LEKR1: variants seen among roughly 807,000 people sequenced by gnomAD.
LEKR1 encodes the protein protein LEKR1.
In LEKR1, 59 loss-of-function variants were observed where a neutral mutation model predicts 72.4. That is an observed-to-expected ratio of 0.82 (90% CI 0.66 to 1.01). LEKR1 has a LOEUF of 1.01. Ranked by LOEUF, LEKR1 falls within the 50% of genes least tolerant of loss-of-function variation. LEKR1 has a pLI of 0.00. For missense variants in LEKR1, 728 were observed against 759.2 expected (o/e 0.96, Z 0.48); for synonymous variants, 257 against 263.2 (o/e 0.98, Z 0.23).
At chr3:156,834,009 T>C (rs1335384718) in intron 2 of LEKR1, among the ~76,000 whole-genome samples, 1 of 152,072 alleles carries the variant, frequency 6.6e-6, no homozygotes, top group East Asian at 1.9e-4. Flanking sequence ...ATTTTACCTT[T>C]TTATTAATGT....
chr3:156,884,237 A>G (rs765360155), intron 3 of LEKR1, among the ~76,000 whole-genome samples: 1 of 152,080 alleles, frequency 6.6e-6, no homozygotes, highest in Non-Finnish European at 1.5e-5. Context: ...GCTGTTCTGT[A>G]TATTTTAGGT....
chr3:156,906,891 TG>T (rs1722583645), intron 3 of LEKR1, among the ~76,000 whole-genome samples: 1 of 152,158 alleles, frequency 6.6e-6, no homozygotes, highest in Admixed American at 6.5e-5. Flanking sequence ...TTTATAAAAA[TG>T]GACTGAGAAT....
At chr3:156,829,519 C>A (rs1712086112) in intron 2 of LEKR1, 142 bp downstream of exon 2, 2 of 554,888 alleles carry the variant, frequency 3.6e-6, no homozygotes, top group Non-Finnish European at 6.3e-6. Flanking sequence ...TAATTATTAT[C>A]ATAATGAGCA....
chr3:156,883,161 A>G (rs1271631396), intron 3 of LEKR1, among the ~76,000 whole-genome samples: 2 of 151,784 alleles, frequency 1.3e-5, no homozygotes, highest in Non-Finnish European at 2.9e-5. Context: ...ATAATAATAA[A>G]GAACGAAAGA....
chr3:156,834,908 T>C (rs985294938), intron 2 of LEKR1, among the ~76,000 whole-genome samples: 9 of 152,226 alleles, frequency 5.9e-5, no homozygotes, highest in African/African-American at 1.9e-4. Context: ...TCATCTACAC[T>C]AAAAGGCATT....
intron 3 of LEKR1, among the ~76,000 whole-genome samples, chr3:156,895,032 A>G (rs1721033594): frequency 6.6e-6 from 1 of 152,234 alleles, no homozygotes. Flanking sequence ...TAAAAATTTG[A>G]TAAATGGAAT....
At chr3:156,912,571 C>T (rs1723217724) in intron 3 of LEKR1, among the ~76,000 whole-genome samples, 1 of 152,206 alleles carries the variant, frequency 6.6e-6, no homozygotes, top group Admixed American at 6.5e-5. Context: ...CACCCAGTTC[C>T]TGTGCCTGTG....
At chr3:156,871,674 T>G (rs925010213) in intron 3 of LEKR1, among the ~76,000 whole-genome samples, 1 of 152,112 alleles carries the variant, frequency 6.6e-6, no homozygotes, top group Non-Finnish European at 1.5e-5. Flanking sequence ...TGGTATCTCA[T>G]TGTCGTTTTG....
intron 9 of LEKR1, among the ~76,000 whole-genome samples, chr3:157,001,113 T>C (rs1224458347): frequency 6.6e-6 from 1 of 152,218 alleles, no homozygotes; most frequent in Non-Finnish European, 1.5e-5. Context: ...CTTCGTAAAT[T>C]ACCCCGTCTC....
rs913016533 is a variant in LEKR1 at position 156,852,804 on chromosome 3, G to A, written c.85G>A (p.Val29Ile). Residue 29 changes from valine (V) to isoleucine (I), a missense_variant, in exon 3 of 13, where the codon GTC becomes ATC. Coordinates refer to ENST00000356539, the MANE Select transcript of LEKR1 (RefSeq NM_001004316.3). Reference protein sequence around the residue: ...PEEKVCKYCGVSYLILHEFKA... With the variant: ...PEEKVCKYCGISYLILHEFKA... ...AGAAAAAGTTTGTAAGTACTGTGGA[G>A]TCAGCTATCTAATTCTTCATGAATT... is the stretch of plus-strand genomic sequence containing the variant. 1 of 1,534,518 alleles carries A rather than the reference G, an allele frequency of 6.5e-7. No homozygotes were observed. Among genetic ancestry groups the A allele is most frequent in the Non-Finnish European group, 8.7e-7 (1 of 1,145,426 alleles).
At chr3:156,878,151 C>CT (rs982122004) in intron 3 of LEKR1, among the ~76,000 whole-genome samples, 24 of 151,520 alleles carry the variant, frequency 1.6e-4, no homozygotes, top group Non-Finnish European at 2.9e-4. Context: ...TTTGTTATTT[C>CT]TTTTTTTCTG....
At chr3:156,933,214 A>G (rs187177146) in intron 5 of LEKR1, among the ~76,000 whole-genome samples, 6 of 152,080 alleles carry the variant, frequency 3.9e-5, no homozygotes, top group African/African-American at 1.4e-4. Context: ...ACATAATTAT[A>G]TTTCATTTCG....
chr3:156,918,973 C>T (rs527957626), intron 3 of LEKR1, among the ~76,000 whole-genome samples: 13 of 152,222 alleles, frequency 8.5e-5, no homozygotes, highest in Non-Finnish European at 1.8e-4. Context: ...GGGCAGATTC[C>T]TCATGAATAG....
intron 9 of LEKR1, among the ~76,000 whole-genome samples, chr3:156,999,618 A>G (rs1731858365): frequency 1.3e-5 from 2 of 152,318 alleles, no homozygotes; most frequent in South Asian, 2.1e-4. Context: ...CATCATAGCT[A>G]CTTGCCAGAG....
chr3:157,045,689 C>T lies in LEKR1; in HGVS notation c.2018C>T (p.Ser673Leu). Residue 673 changes from serine to leucine, a missense_variant, in exon 13 of 13, where the codon TCA (serine) becomes TTA (leucine). Coordinates refer to ENST00000356539, the MANE Select transcript of LEKR1 (RefSeq NM_001004316.3). The stretch of plus-strand genomic sequence containing the variant: ...CATCCTCCCAGGGGTGGAGCATCTT[C>T]AGCAAATGAGACTAGACAGAGACTG... ...QPHPPRGGAS[S>L]ANETRQRLAA... 1 of 1,613,664 alleles carries T rather than the reference C, an allele frequency of 6.2e-7. No homozygotes were observed. Among genetic ancestry groups the T allele is most frequent in the South Asian group, 1.1e-5 (1 of 91,084 alleles).
rs1463741834 is a variant in LEKR1, at chr3:156,826,379, G to A, written c.-45+3G>A. 1.3e-5 allele frequency: 2 copies of A among 152,892 alleles called. No homozygotes were observed. The highest frequency in any genetic ancestry group is 2.4e-5 in the African/African-American group (1 of 41,466). The allele number at this position is 152,892 out of a possible 1,614,324, so 9.5% of individuals were successfully genotyped here. A position where few individuals can be genotyped will look rare whatever the true frequency, so the allele number is the denominator to read the frequency against. On this transcript the variant is annotated splice_donor_region_variant and intron_variant, in intron 1 of 12. Transcript: ENST00000356539. ...CACCCGTCCTAGTCGAAGTCGAGGT[G>A]AGGGACGATGGCTTTCCTCAGCCTG... is the stretch of plus-strand genomic sequence containing the variant.
intron 3 of LEKR1, among the ~76,000 whole-genome samples, chr3:156,885,442 C>T (rs1015064098): frequency 9.2e-5 from 14 of 152,186 alleles, no homozygotes; most frequent in Non-Finnish European, 1.8e-4. Flanking sequence ...AAACTCAAGG[C>T]TTGCTGTTCA....
chr3:156,949,426 T>C, intron 6 of LEKR1, among the ~76,000 whole-genome samples: 1 of 151,472 alleles, frequency 6.6e-6, no homozygotes, highest in Admixed American at 6.6e-5. Context: ...GGAGTCTTTT[T>C]CCATTGCTTG....
At chr3:156,989,955 C>G (rs1731019289) in intron 7 of LEKR1, among the ~76,000 whole-genome samples, 3 of 152,126 alleles carry the variant, frequency 2.0e-5, no homozygotes, top group Non-Finnish European at 4.4e-5. Context: ...AATTTACATA[C>G]AATACTTTAA....
Sources: allele counts gnomAD v4.1 joint callset (sites outside exome capture counted in the v4.1 genomes callset), GRCh38; gene constraint gnomAD v4.1.1; transcripts MANE v1.5; gene names NCBI Gene and HGNC (gene_info 2026-07-23, HGNC 2026-07-21).